The following TMEM245 variants were observed in gnomAD, a reference collection of about 807,000 sequenced individuals.
TMEM245 encodes protein CG-2.
In TMEM245, 69 loss-of-function variants were observed where a neutral mutation model predicts 101.2. The observed-to-expected ratio is 0.68, with a 90% confidence interval of 0.56 to 0.83. The LOEUF is 0.83. Among genes scored for constraint, TMEM245 ranks in the 40% least tolerant of loss-of-function variants. TMEM245 has a pLI of 0.00. For synonymous variants in TMEM245, 537 were observed against 449.8 expected (o/e 1.19, Z -2.45); for missense variants, 1,075 against 1,092.8 (o/e 0.98, Z 0.23).
At chr9:109,032,489 A>G (rs1345930454) in intron 17 of TMEM245, among the ~76,000 whole-genome samples, 1 of 144,478 alleles carries the variant, frequency 6.9e-6, no homozygotes, top group African/African-American at 2.6e-5. Flanking sequence ...GGTTCAAGCA[A>G]TTCTCCTGCC....
intron 1 of TMEM245, among the ~76,000 whole-genome samples, chr9:109,116,676 G>C (rs74453341): frequency 6.6e-6 from 1 of 151,830 alleles, no homozygotes; most frequent in African/African-American, 2.4e-5. Flanking sequence ...ACAGGTGTGC[G>C]CCACCATGCC....
intron 14 of TMEM245, 75 bp downstream of exon 14, chr9:109,050,208 C>G: frequency 6.5e-7 from 1 of 1,548,760 alleles, no homozygotes; most frequent in Non-Finnish European, 8.8e-7. Flanking sequence ...TATCAGGATG[C>G]TCATGACAAA....
chr9:109,056,740 T>C (rs1159409056), intron 12 of TMEM245, among the ~76,000 whole-genome samples: 2 of 152,166 alleles, frequency 1.3e-5, no homozygotes, highest in African/African-American at 4.8e-5. Context: ...CAAGACACCA[T>C]ACAAAATATG....
intron 3 of TMEM245, among the ~76,000 whole-genome samples, chr9:109,095,419 C>G (rs2132590137): frequency 6.6e-6 from 1 of 152,260 alleles, no homozygotes; most frequent in South Asian, 2.1e-4. Flanking sequence ...CTTGTGACAT[C>G]CTAACAATAT....
At position 109,099,643 on chromosome 9, in the gene TMEM245, A is replaced by C. The variant is rs538699161; in HGVS notation, c.800-6052T>G. Reference sequence around the variant, plus strand: ...AATCTCACTAGACTGCTTAAAAAAAACTAAGAGTATTTTTAAAGAGTCTAA... The same window carrying C: ...AATCTCACTAGACTGCTTAAAAAAACCTAAGAGTATTTTTAAAGAGTCTAA... On this transcript the variant is annotated intron_variant, in intron 3 of 17. Coordinates refer to ENST00000374586, the MANE Select transcript of TMEM245 (RefSeq NM_032012.4). Among the ~76,000 whole-genome samples the C allele has an allele frequency of 1.1e-4, 16 of 152,350 alleles. 1 individual carries two copies. The South Asian group carries it at 3.1e-3, about 30-fold the overall frequency.
chr9:109,075,817 A>C (rs1829482179), intron 8 of TMEM245, among the ~76,000 whole-genome samples: 1 of 152,036 alleles, frequency 6.6e-6, no homozygotes, highest in Non-Finnish European at 1.5e-5. Flanking sequence ...TCATGTTTTC[A>C]CTATTGTTTC....
At chr9:109,082,729 G>A (rs2132529006) in intron 7 of TMEM245, among the ~76,000 whole-genome samples, 1 of 151,342 alleles carries the variant, frequency 6.6e-6, no homozygotes, top group African/African-American at 2.4e-5. Flanking sequence ...ACATGTTTGA[G>A]TATTTTTAAC....
At chr9:109,035,991 C>CAAA in intron 16 of TMEM245, 1 of 130,092 alleles carries the variant, frequency 7.7e-6, no homozygotes, top group Non-Finnish European at 1.4e-5. Flanking sequence ...CAACAACAAC[C>CAAA]AAAAAAAAAA....
chr9:109,085,979 A>G lies in TMEM245; in HGVS notation c.1344+18T>C, dbSNP rs1269268159. ...ACGGAATTCAATAGTAAAAACCAACATCTGGGTGTTCATTTACCTTCTTAT... is the reference window on the plus strand; with the variant it reads ...ACGGAATTCAATAGTAAAAACCAACGTCTGGGTGTTCATTTACCTTCTTAT... On this transcript the variant is annotated intron_variant, in intron 7 of 17. Coordinates refer to ENST00000374586, the MANE Select transcript of TMEM245 (RefSeq NM_032012.4). The G allele has an allele frequency of 6.2e-7, 1 of 1,613,714 alleles. No homozygotes were observed. The highest frequency in any genetic ancestry group is 1.1e-5 in the South Asian group (1 of 91,082).
chr9:109,058,254 T>C (rs920680212), intron 11 of TMEM245, among the ~76,000 whole-genome samples: 4 of 151,938 alleles, frequency 2.6e-5, no homozygotes, highest in Non-Finnish European at 5.9e-5. Context: ...TCCGCCCGCC[T>C]CAGCCTCCCA....
chr9:109,076,781 C>G (rs1448283203), intron 8 of TMEM245, among the ~76,000 whole-genome samples: 1 of 152,154 alleles, frequency 6.6e-6, no homozygotes, highest in African/African-American at 2.4e-5. Context: ...GTCTCCACCT[C>G]CAAGGCTCAA....
At chr9:109,036,123 A>AG in intron 16 of TMEM245, 83 bp downstream of exon 16, 2 of 1,225,438 alleles carry the variant, frequency 1.6e-6, no homozygotes, top group Non-Finnish European at 1.1e-6. Context: ...GTATACCCCC[A>AG]GGAGAAAAAA....
intron 10 of TMEM245, among the ~76,000 whole-genome samples, chr9:109,062,001 G>T (rs1175686533): frequency 6.6e-6 from 1 of 151,690 alleles, no homozygotes; most frequent in Non-Finnish European, 1.5e-5. Context: ...CAAATAAAAT[G>T]AGTTTTTGTT....
At position 109,015,537 on chromosome 9, in the gene TMEM245, T is replaced by G. The variant is rs993885115; in HGVS notation, c.*4923A>C. 6.6e-6 allele frequency: 1 copy of G among 152,616 alleles called. No individual in the cohort carries two copies. Among genetic ancestry groups the G allele is most frequent in the Non-Finnish European group, 1.5e-5 (1 of 68,020 alleles). 9.5% of individuals were successfully genotyped at this position (152,616 alleles called of 1,614,324 possible). ...ATAAAAAATAAATGATATTTGATAA[T>G]AAGCCAAAATTATCAGGATTTGCTT... On this transcript the variant is annotated 3_prime_UTR_variant, in exon 18 of 18. Coordinates refer to ENST00000374586, the MANE Select transcript of TMEM245 (RefSeq NM_032012.4).
chr9:109,119,944 C>A lies in TMEM245; in HGVS notation c.-31G>T, dbSNP rs928873629. On this transcript the variant is annotated 5_prime_UTR_variant, in exon 1 of 18. Transcript: ENST00000374586. ...CTCCGCCACAGCCGCCCCCGAGGGG[C>A]GGTAATGGGAGTCGGGCTAGAAACG... 1 of 1,291,326 alleles carries A rather than the reference C, an allele frequency of 7.7e-7. No individual in the cohort carries two copies. The highest frequency in any genetic ancestry group is 9.8e-7 in the Non-Finnish European group (1 of 1,022,808). 80.0% of individuals were successfully genotyped at this position (1,291,326 alleles called of 1,614,324 possible).
At position 109,106,541 on chromosome 9, in the gene TMEM245, G is replaced by C; in HGVS notation, c.766C>G (p.Leu256Val). The C allele has an allele frequency of 6.2e-7, 1 of 1,611,382 alleles. No individual in the cohort carries two copies. The highest frequency in any genetic ancestry group is 8.5e-7 in the Non-Finnish European group (1 of 1,178,448). ...VIVFLMSVGTLYEKQNGKESS... is the reference protein window; with the variant it reads ...VIVFLMSVGTVYEKQNGKESS... ...TCTTTTCCATTCTGTTTTTCATAGA[G>C]GGTACCCACAGACATCAGGAAAACA... The change falls in exon 3 of 18, where the codon CTC becomes GTC. Residue 256 changes from leucine (L) to valine (V), a missense_variant. By Grantham distance (32) the Leu-to-Val change is conservative. Coordinates refer to ENST00000374586, the MANE Select transcript of TMEM245 (RefSeq NM_032012.4).
chr9:109,060,626 T>C (rs1828984790), intron 10 of TMEM245, among the ~76,000 whole-genome samples, 174 bp from the exon 11 acceptor site: 1 of 152,186 alleles, frequency 6.6e-6, no homozygotes, highest in Admixed American at 6.5e-5. Flanking sequence ...TCCCAGTAAA[T>C]TTCCTTTCTC....
chr9:109,045,417 C>T (rs1416171682), intron 14 of TMEM245, among the ~76,000 whole-genome samples: 1 of 152,180 alleles, frequency 6.6e-6, no homozygotes, highest in Non-Finnish European at 1.5e-5. Context: ...CCCTCCAAAA[C>T]AGTGGTGAAA....
chr9:109,023,093 A>G (rs1365667372), intron 17 of TMEM245, among the ~76,000 whole-genome samples: 1 of 152,212 alleles, frequency 6.6e-6, no homozygotes, highest in Non-Finnish European at 1.5e-5. Flanking sequence ...CTCCAAAAGG[A>G]CTCAGGAAAA....
Sources: gnomAD v4.1 joint callset for allele counts (sites outside exome capture counted in the v4.1 genomes callset) on GRCh38, gnomAD v4.1.1 for gene constraint, MANE v1.5 for transcripts, NCBI Gene and HGNC (gene_info 2026-07-23, HGNC 2026-07-21) for gene names.